UGT1A6: variants seen among roughly 807,000 people sequenced by gnomAD.
UGT1A6 encodes the protein UDP-glucuronosyltransferase 1A6.
In UGT1A6, 32 loss-of-function variants were observed where a neutral mutation model predicts 44.4. The ratio of observed to expected loss-of-function variants is 0.72; its 90% CI spans 0.54 to 0.97. UGT1A6 has a LOEUF of 0.97. UGT1A6 is among the 50% of genes least tolerant of loss of function. The pLI, the probability that UGT1A6 is intolerant of heterozygous loss-of-function variation, is 0.00. For missense variants in UGT1A6, 685 were observed against 661.9 expected (o/e 1.03, Z -0.38); for synonymous variants, 238 against 248.5 (o/e 0.96, Z 0.40).
chr2:233,744,799 C>T (rs571960868), intron 1 of UGT1A6, among the ~76,000 whole-genome samples: 2 of 151,914 alleles, frequency 1.3e-5, no homozygotes, highest in East Asian at 3.9e-4. Flanking sequence ...CTTGGGGATC[C>T]CTAGGATTTC....
intron 1 of UGT1A6, chr2:233,747,354 G>A (rs753872482): frequency 3.1e-5 from 49 of 1,602,390 alleles, no homozygotes; most frequent in African/African-American, 2.7e-4. Flanking sequence ...GCGGGAGGCC[G>A]TGCGGGAGCT....
At chr2:233,699,087 C>G (rs908686426) in intron 1 of UGT1A6, among the ~76,000 whole-genome samples, 1 of 152,218 alleles carries the variant, frequency 6.6e-6, no homozygotes, top group Admixed American at 6.5e-5. Flanking sequence ...CTCTCTAGCC[C>G]TGTGCACCTC....
intron 1 of UGT1A6, among the ~76,000 whole-genome samples, chr2:233,702,365 T>A (rs1282819805): frequency 2.0e-5 from 3 of 152,208 alleles, no homozygotes; most frequent in Admixed American, 2.0e-4. Flanking sequence ...TTTTAGTGGA[T>A]TTCGTAGGAT....
At chr2:233,720,401 G>T (rs2076855672) in intron 1 of UGT1A6, among the ~76,000 whole-genome samples, 1 of 152,026 alleles carries the variant, frequency 6.6e-6, no homozygotes, top group African/African-American at 2.4e-5. Flanking sequence ...ATCAAGAGTG[G>T]GTGGAAGGGA....
chr2:233,734,262 T>C (rs1260850291), intron 1 of UGT1A6, among the ~76,000 whole-genome samples: 1 of 152,214 alleles, frequency 6.6e-6, no homozygotes, highest in Non-Finnish European at 1.5e-5. Context: ...GGAGGGTGTA[T>C]GTGTCCAGGA....
chr2:233,771,661 T>C (rs899762223), intron 4 of UGT1A6: 2 of 152,426 alleles, frequency 1.3e-5, no homozygotes, highest in African/African-American at 4.8e-5. Context: ...TAATGAAATT[T>C]CTCACAAAAT....
intron 1 of UGT1A6, among the ~76,000 whole-genome samples, chr2:233,694,115 C>G (rs535422015): frequency 2.0e-5 from 3 of 152,126 alleles, no homozygotes; most frequent in Non-Finnish European, 4.4e-5. Context: ...TAATCTGGGA[C>G]AGTCACATAC....
At chr2:233,695,786 T>C (rs2075307257) in intron 1 of UGT1A6, among the ~76,000 whole-genome samples, 3 of 152,220 alleles carry the variant, frequency 2.0e-5, no homozygotes, top group Non-Finnish European at 2.9e-5. Context: ...TTTTCCATTC[T>C]GTATATGTAC....
chr2:233,713,539 A>G, intron 1 of UGT1A6: 1 of 1,613,964 alleles, frequency 6.2e-7, no homozygotes, highest in Non-Finnish European at 8.5e-7. Flanking sequence ...TTAGACTTTA[A>G]GGGCACACAG....
chr2:233,769,665 G>A lies in UGT1A6; in HGVS notation c.1301+1226G>A. 6.3e-7 allele frequency: 1 copy of A among 1,592,194 alleles called. No individual in the cohort carries two copies. Among genetic ancestry groups the A allele is most frequent in the Non-Finnish European group, 8.6e-7 (1 of 1,169,328 alleles). On this transcript the variant is annotated intron_variant, in intron 4 of 4. Transcript: ENST00000305139. The surrounding 1 kb of genome is among the most constrained non-coding windows in gnomAD (Gnocchi z 4.4). ...TGATGACTGACTTCCCACCTTTGAG[G>A]TGCTAATGTGTGTGTGGTGGCACTG...
At chr2:233,733,201 A>T (rs1269937689) in intron 1 of UGT1A6, among the ~76,000 whole-genome samples, 1 of 152,122 alleles carries the variant, frequency 6.6e-6, no homozygotes, top group Non-Finnish European at 1.5e-5. Flanking sequence ...GCTTAAGGAG[A>T]CTTTGGGCTG....
At chr2:233,699,913 C>T (rs905252126) in intron 1 of UGT1A6, among the ~76,000 whole-genome samples, 5 of 152,174 alleles carry the variant, frequency 3.3e-5, no homozygotes, top group Non-Finnish European at 2.9e-5. Flanking sequence ...GTAGGATATA[C>T]GTAGAGGCCA....
chr2:233,719,419 C>A (rs761827245), intron 1 of UGT1A6: 1 of 1,613,996 alleles, frequency 6.2e-7, no homozygotes, highest in Non-Finnish European at 8.5e-7. Flanking sequence ...TTACTAACGA[C>A]CAATTCAGAC....
At chr2:233,717,703 G>A in intron 1 of UGT1A6, 1 of 450,788 alleles carries the variant, frequency 2.2e-6, no homozygotes. Context: ...TCTGGAGCAG[G>A]ACGAGCCTCA....
intron 1 of UGT1A6, among the ~76,000 whole-genome samples, chr2:233,716,864 C>T (rs1229406497): frequency 2.0e-5 from 3 of 152,102 alleles, no homozygotes; most frequent in Non-Finnish European, 2.9e-5. Context: ...GCTGATGGCT[C>T]CAAGTCTATC....
chr2:233,758,001 G>A (rs1372978564), intron 1 of UGT1A6, among the ~76,000 whole-genome samples: 1 of 152,062 alleles, frequency 6.6e-6, no homozygotes, highest in Non-Finnish European at 1.5e-5. Context: ...TAATTGCCTG[G>A]TCATGAGTTT....
intron 1 of UGT1A6, chr2:233,719,568 A>C (rs1164551922): frequency 1.9e-6 from 3 of 1,613,756 alleles, no homozygotes; most frequent in East Asian, 2.2e-5. Flanking sequence ...GGATCTTGTC[A>C]GCTATGCATC....
rs140637573 is a variant in UGT1A6, at chr2:233,693,664, T to C, written c.660T>C (p.Tyr220=). The C allele has an allele frequency of 4.3e-6, 7 of 1,614,196 alleles. No homozygotes were observed. The highest frequency in any genetic ancestry group is 5.9e-6 in the Non-Finnish European group (7 of 1,179,998). Residue 220 remains tyrosine, a synonymous_variant, in exon 1 of 5, where the codon TAT becomes TAC. Coordinates refer to ENST00000305139, the MANE Select transcript of UGT1A6 (RefSeq NM_001072.4). ...TCCTTGTTAATTTGTTGGAGCCCTA[T>C]CTATTTTATTGTCTGTTTTCAAAGT... ...ANFLVNLLEP[Y]LFYCLFSKYE... is the part of the protein sequence containing the mutation.
intron 1 of UGT1A6, among the ~76,000 whole-genome samples, chr2:233,717,485 C>A (rs1315707595): frequency 6.6e-6 from 1 of 152,214 alleles, no homozygotes; most frequent in Non-Finnish European, 1.5e-5. Context: ...AAGGTGGAAT[C>A]TGTTATCAAT....
Sources: gnomAD v4.1 joint callset for allele counts (sites outside exome capture counted in the v4.1 genomes callset) on GRCh38, gnomAD v4.1.1 for gene constraint, Gnocchi (gnomAD v3.1) non-coding constraint, MANE v1.5 for transcripts, NCBI Gene and HGNC (gene_info 2026-07-23, HGNC 2026-07-21) for gene names.